The following ZNF391 variants were observed in gnomAD, a reference collection of about 807,000 sequenced individuals.
ZNF391 encodes the protein zinc finger protein 391.
For synonymous variants in ZNF391, 126 were observed against 142.1 expected (o/e 0.89, Z 0.80); for missense variants, 375 against 425.5 (o/e 0.88, Z 1.04).
intron 1 of ZNF391, among the ~76,000 whole-genome samples, chr6:27,392,222 C>T (rs1761729194): frequency 6.6e-6 from 1 of 152,114 alleles, no homozygotes; most frequent in African/African-American, 2.4e-5. Context: ...CTGAGGATGC[C>T]ACTTGCACTT....
chr6:27,382,965 CA>C (rs1287170413), intron 1 of ZNF391, among the ~76,000 whole-genome samples: 2 of 151,804 alleles, frequency 1.3e-5, no homozygotes, highest in African/African-American at 4.8e-5. Context: ...ACCAAAAATA[CA>C]AAAATTAGCT....
rs900719372 is a variant in ZNF391 at position 27,403,203 on chromosome 6, T to G, written c.*1756T>G. ...GCCCCAAATGTAAACTTCTTTAACC[T>G]AAAGGTCTTTCATAGTTTGATCTAC... is the stretch of plus-strand genomic sequence containing the variant. On this transcript the variant is annotated 3_prime_UTR_variant, in exon 3 of 3. Transcript: ENST00000244576. The G allele has an allele frequency of 1.3e-5, 2 of 152,200 alleles. No homozygotes were observed. The highest frequency in any genetic ancestry group is 4.8e-5 in the African/African-American group (2 of 41,450). The allele number at this position is 152,200 out of a possible 1,614,324, so 9.4% of individuals were successfully genotyped here.
chr6:27,390,515 T>C (rs1761680327), intron 1 of ZNF391, among the ~76,000 whole-genome samples: 1 of 151,842 alleles, frequency 6.6e-6, no homozygotes, highest in Non-Finnish European at 1.5e-5. Context: ...GGACTCTGGA[T>C]AAAGGTATAG....
Position 27,401,541 on chromosome 6 carries a change from T to A in ZNF391, c.*94T>A. On this transcript the variant is annotated 3_prime_UTR_variant, in exon 3 of 3. Coordinates refer to ENST00000244576, the MANE Select transcript of ZNF391 (RefSeq NM_001076781.3). ...ATTTCAAGTATATATATACTTGTTC[T>A]AATTTTCTTTTATTAGATACCTATA... The A allele has an allele frequency of 5.2e-6, 5 of 970,206 alleles. No homozygotes were observed. The highest frequency in any genetic ancestry group is 7.3e-6 in the Non-Finnish European group (5 of 683,174). 60.1% of individuals were successfully genotyped at this position (970,206 alleles called of 1,614,324 possible).
At chr6:27,381,211 C>T (rs978832120) in intron 1 of ZNF391, among the ~76,000 whole-genome samples, 2 of 152,232 alleles carry the variant, frequency 1.3e-5, no homozygotes, top group Non-Finnish European at 1.5e-5. Flanking sequence ...AGGCCTGCGC[C>T]GCGGGAAGGC....
chr6:27,397,249 G>A (rs1761847871), intron 1 of ZNF391, among the ~76,000 whole-genome samples: 1 of 152,284 alleles, frequency 6.6e-6, no homozygotes, highest in South Asian at 2.1e-4. Flanking sequence ...CATGTCACAT[G>A]GTAAGAGCAG....
rs1279348987 is a variant in ZNF391 at position 27,376,506 on chromosome 6, CGTAT to C, written n.523+1372_523+1375del. Among the ~76,000 whole-genome samples, 4 of 151,358 alleles carry C rather than the reference CGTAT, an allele frequency of 2.6e-5. No individual in the cohort carries two copies. Among genetic ancestry groups the C allele is most frequent in the African/African-American group, 9.8e-5 (4 of 40,752 alleles). The stretch of plus-strand genomic sequence containing the variant: ...CACTGTGGTATTTTTTGGATTGGGA[CGTAT>C]GTGTGTATGTGCTCTCTAACTCCTC... On this transcript the variant is annotated intron_variant and non_coding_transcript_variant, in intron 1 of 2. Coordinates refer to the ZNF391 transcript ENST00000477999. The surrounding 1 kb of genome is among the most constrained non-coding windows in gnomAD (Gnocchi z 4.7).
chr6:27,394,445 A>T (rs938461777), intron 1 of ZNF391, among the ~76,000 whole-genome samples: 2 of 152,248 alleles, frequency 1.3e-5, no homozygotes, highest in African/African-American at 4.8e-5. Context: ...GCCTGTGGAT[A>T]TGCACAGTGC....
chr6:27,381,994 C>T (rs560220915), intron 1 of ZNF391, among the ~76,000 whole-genome samples: 32 of 144,976 alleles, frequency 2.2e-4, no homozygotes, highest in African/African-American at 7.4e-4. Flanking sequence ...AGATCGGGGC[C>T]GCTGCACTCC....
At position 27,401,038 on chromosome 6, in the gene ZNF391, G is replaced by C; in HGVS notation, c.668G>C (p.Cys223Ser). ...RTHTQERPYK[C>S]NECGKAFGDR... ...CATACTCAAGAAAGGCCTTACAAAT[G>C]TAATGAATGTGGGAAAGCCTTCGGT... The change falls in exon 3 of 3, where the codon TGT becomes TCT. Residue 223 changes from cysteine to serine, a missense_variant. Coordinates refer to ENST00000244576, the MANE Select transcript of ZNF391 (RefSeq NM_001076781.3). The C allele has an allele frequency of 6.2e-7, 1 of 1,614,200 alleles. No homozygotes were observed. Among genetic ancestry groups the C allele is most frequent in the East Asian group, 2.2e-5 (1 of 44,890 alleles).
chr6:27,382,084 G>A (rs4713084), intron 1 of ZNF391, among the ~76,000 whole-genome samples: 106,279 of 148,372 alleles, frequency 0.72, 38,073 homozygotes, highest in Middle Eastern at 0.81. Context: ...TGTAATCCCA[G>A]ACTTTGGGAG....
At chr6:27,398,325 T>G (rs1761873244) in intron 1 of ZNF391, among the ~76,000 whole-genome samples, 1 of 152,064 alleles carries the variant, frequency 6.6e-6, no homozygotes, top group African/African-American at 2.4e-5. Context: ...TGAGGAAATT[T>G]AGAGTCCAGG....
chr6:27,391,862 C>CT (rs1159575301), intron 1 of ZNF391, among the ~76,000 whole-genome samples: 10 of 151,944 alleles, frequency 6.6e-5, no homozygotes, highest in African/African-American at 1.2e-4. Flanking sequence ...TGAACACAGG[C>CT]TTTTTTTTGG....
chr6:27,388,233 T>C (rs1007775810), upstream of ZNF391, among the ~76,000 whole-genome samples: 4 of 152,222 alleles, frequency 2.6e-5, no homozygotes, highest in Non-Finnish European at 4.4e-5. Context: ...ATATTAAAAT[T>C]ATCTGGAATT....
chr6:27,398,720 G>A (rs1761883263), intron 1 of ZNF391, among the ~76,000 whole-genome samples: 1 of 152,090 alleles, frequency 6.6e-6, no homozygotes, highest in Non-Finnish European at 1.5e-5. Flanking sequence ...TAGCCGGGGT[G>A]TGGTGGCGAG....
At chr6:27,381,408 C>T (rs575810026) in intron 1 of ZNF391, among the ~76,000 whole-genome samples, 2 of 152,224 alleles carry the variant, frequency 1.3e-5, no homozygotes, top group Admixed American at 1.3e-4. Context: ...CCAAGCACCG[C>T]GCGCAGCCCC....
intron 1 of ZNF391, among the ~76,000 whole-genome samples, chr6:27,380,316 G>A (rs2393927): frequency 6.6e-6 from 1 of 151,516 alleles, no homozygotes. Flanking sequence ...TCCTTCTAGT[G>A]GGTGCATAGC....
At chr6:27,397,262 G>T (rs775154784) in intron 1 of ZNF391, among the ~76,000 whole-genome samples, 2 of 152,134 alleles carry the variant, frequency 1.3e-5, no homozygotes, top group South Asian at 2.1e-4. Flanking sequence ...AAGAGCAGGG[G>T]CAAGAGACAG....
chr6:27,389,928 A>G (rs1293241651), intron 1 of ZNF391, among the ~76,000 whole-genome samples: 1 of 103,692 alleles, frequency 9.6e-6, no homozygotes, highest in African/African-American at 3.4e-5. Flanking sequence ...ATTGACAGTT[A>G]CTGTGGATCA....
Sources: allele counts gnomAD v4.1 joint callset (sites outside exome capture counted in the v4.1 genomes callset), GRCh38; gene constraint gnomAD v4.1.1; non-coding constraint Gnocchi (gnomAD v3.1); transcripts MANE v1.5; gene names NCBI Gene and HGNC (gene_info 2026-07-23, HGNC 2026-07-21).